Variants in SYCP1 observed in about 807,000 individuals in gnomAD.
The protein encoded by SYCP1 is cancer/testis antigen 8.
In SYCP1, 64 loss-of-function variants were observed where a neutral mutation model predicts 153.1. The observed-to-expected ratio is 0.42, with a 90% CI of 0.34 to 0.51. The LOEUF (loss-of-function observed/expected upper bound fraction) is 0.51. Among genes scored for constraint, SYCP1 ranks in the 20% least tolerant of loss-of-function variants. SYCP1 has a pLI of 0.06. For synonymous variants in SYCP1, 384 were observed against 341.8 expected, an observed-to-expected ratio of 1.12 and a Z score of -1.36; for missense variants, 997 against 1,049.0, an observed-to-expected ratio of 0.95 and a Z score of 0.68.
At chr1:114,938,037 C>T (rs181212234) in intron 23 of SYCP1, among the ~76,000 whole-genome samples, 10 of 152,234 alleles carry the variant, frequency 6.6e-5, no homozygotes, top group Non-Finnish European at 8.8e-5. Flanking sequence ...CCCAGAGATC[C>T]CATTACTGGT....
intron 30 of SYCP1, among the ~76,000 whole-genome samples, chr1:114,987,106 A>C (rs1673566805): frequency 6.7e-6 from 1 of 149,366 alleles, no homozygotes; most frequent in South Asian, 2.1e-4. Flanking sequence ...CTCTTTTTCC[A>C]TCTTTACCCT....
intron 27 of SYCP1, among the ~76,000 whole-genome samples, chr1:114,974,719 CTTA>C (rs1672704214): frequency 6.6e-6 from 1 of 151,692 alleles, no homozygotes; most frequent in African/African-American, 2.4e-5. Context: ...CCATCTTTTC[CTTA>C]TTATTTTTCT....
At chr1:114,949,428 C>T (rs1244499354) in intron 27 of SYCP1, among the ~76,000 whole-genome samples, 1 of 152,096 alleles carries the variant, frequency 6.6e-6, no homozygotes, top group Non-Finnish European at 1.5e-5. Context: ...CTTTTAGTAA[C>T]CTTGGGAGAC....
At chr1:114,978,259 A>G (rs1467447069) in intron 28 of SYCP1, among the ~76,000 whole-genome samples, 2 of 151,622 alleles carry the variant, frequency 1.3e-5, no homozygotes, top group Non-Finnish European at 3.0e-5. Flanking sequence ...TACCCACTTG[A>G]TCATCTGCTC....
At chr1:114,909,885 G>A (rs1013073094) in intron 16 of SYCP1, among the ~76,000 whole-genome samples, 3 of 151,974 alleles carry the variant, frequency 2.0e-5, no homozygotes, top group African/African-American at 4.8e-5. Context: ...TTTTAGGTTC[G>A]CCCTACTTAA....
At chr1:114,983,916 T>C (rs1297564607) in intron 29 of SYCP1, among the ~76,000 whole-genome samples, 2 of 151,970 alleles carry the variant, frequency 1.3e-5, no homozygotes, top group Non-Finnish European at 2.9e-5. Flanking sequence ...TTACATTTAA[T>C]TTAATTTTTG....
In SYCP1 at chr1:114,887,666, G is replaced by A. The variant is rs760448076; in HGVS notation, c.1231G>A (p.Glu411Lys). The A allele has an allele frequency of 1.3e-6, 2 of 1,570,052 alleles. No individual in the cohort carries two copies. The highest frequency in any genetic ancestry group is 1.2e-5 in the South Asian group (1 of 82,774). Residue 411 changes from glutamate to lysine, a missense_variant, in exon 15 of 32, where the codon GAG (glutamate) becomes AAG (lysine). This residue lies in a region of SYCP1 where 712 missense variants were observed against 682.9 expected (regional missense o/e 1.04). Coordinates refer to ENST00000369522, the MANE Select transcript of SYCP1 (RefSeq NM_003176.4). The stretch of plus-strand genomic sequence containing the variant: ...AGATCAATTGAAAATACTTACCATG[G>A]AGCTTCAAAAGAAATCAAGTGAGCT... ...NEDQLKILTMELQKKSSELEE... is the reference protein window; with the variant it reads ...NEDQLKILTMKLQKKSSELEE...
intron 12 of SYCP1, among the ~76,000 whole-genome samples, chr1:114,883,767 A>T (rs1012778385): frequency 4.6e-5 from 7 of 152,312 alleles, no homozygotes; most frequent in Admixed American, 2.0e-4. Flanking sequence ...ATCTTGGCTC[A>T]CTGCAACCTC....
intron 16 of SYCP1, among the ~76,000 whole-genome samples, chr1:114,904,603 A>G (rs1211197864): frequency 1.3e-5 from 2 of 152,202 alleles, no homozygotes; most frequent in Non-Finnish European, 2.9e-5. Flanking sequence ...AGCATTTTGC[A>G]GTATTCAGCA....
At chr1:114,859,869 A>G in intron 7 of SYCP1, 59 bp downstream of exon 7, 1 of 529,498 alleles carries the variant, frequency 1.9e-6, no homozygotes, top group Non-Finnish European at 2.8e-6. Flanking sequence ...ATTTACTACT[A>G]AAATAATTTT....
chr1:114,874,662 GATT>G, intron 9 of SYCP1, 98 bp downstream of exon 9: 2 of 690,112 alleles, frequency 2.9e-6, no homozygotes, highest in Non-Finnish European at 4.7e-6. Context: ...TTACTAAAAA[GATT>G]ATTATTTATT....
intron 23 of SYCP1, among the ~76,000 whole-genome samples, chr1:114,939,656 T>C (rs1411859532): frequency 6.6e-6 from 1 of 152,202 alleles, no homozygotes; most frequent in African/African-American, 2.4e-5. Flanking sequence ...TTAAGGGATA[T>C]GAGGGAACTT....
rs1411990932 is a variant in SYCP1, at chr1:114,947,339, T to A, written c.2322+19T>A. On this transcript the variant is annotated intron_variant, in intron 27 of 31. Coordinates refer to ENST00000369522, the MANE Select transcript of SYCP1 (RefSeq NM_003176.4). The stretch of plus-strand genomic sequence containing the variant: ...AGAGAAGGTAGGTTTTTTGGCATTA[T>A]AGATAAAATGATTACAAGGTTTAGG... 1 of 1,593,004 alleles carries A rather than the reference T, an allele frequency of 6.3e-7. No homozygotes were observed. The highest frequency in any genetic ancestry group is 2.2e-5 in the East Asian group (1 of 44,576).
chr1:114,883,534 G>A (rs1666092814), intron 12 of SYCP1, among the ~76,000 whole-genome samples: 1 of 152,094 alleles, frequency 6.6e-6, no homozygotes, highest in Non-Finnish European at 1.5e-5. Flanking sequence ...CATTTTCTAG[G>A]CTCCTGGGGA....
intron 27 of SYCP1, among the ~76,000 whole-genome samples, chr1:114,948,832 A>G (rs1459774341): frequency 5.3e-5 from 8 of 152,192 alleles, no homozygotes; most frequent in Non-Finnish European, 1.2e-4. Context: ...GTTTCAGTAG[A>G]AGAGGAATTC....
intron 17 of SYCP1, 79 bp from the exon 18 acceptor site, chr1:114,911,400 T>C: frequency 8.7e-7 from 1 of 1,144,274 alleles, no homozygotes; most frequent in Non-Finnish European, 1.2e-6. Flanking sequence ...AATATATGAC[T>C]TAATTACACA....
At chr1:114,967,460 T>A (rs1356453528) in intron 27 of SYCP1, among the ~76,000 whole-genome samples, 4 of 152,224 alleles carry the variant, frequency 2.6e-5, no homozygotes, top group Non-Finnish European at 4.4e-5. Flanking sequence ...CTTTGTTGGT[T>A]TAAAGTCTGT....
intron 30 of SYCP1, 69 bp from the exon 31 acceptor site, chr1:114,994,629 G>A: frequency 8.1e-7 from 1 of 1,234,044 alleles, no homozygotes; most frequent in East Asian, 2.7e-5. Context: ...GTGATATGTT[G>A]ACAAAATGTT....
intron 27 of SYCP1, among the ~76,000 whole-genome samples, chr1:114,968,722 G>A (rs1369975642): frequency 2.0e-5 from 3 of 152,154 alleles, no homozygotes; most frequent in Non-Finnish European, 4.4e-5. Context: ...TTCCTTGCTG[G>A]CAAGGAGTTG....
Sources: gnomAD v4.1 joint callset for allele counts (sites outside exome capture counted in the v4.1 genomes callset) on GRCh38, gnomAD v4.1.1 for gene constraint, gnomAD v4.1.1 regional missense constraint, MANE v1.5 for transcripts, NCBI Gene and HGNC (gene_info 2026-07-23, HGNC 2026-07-21) for gene names.